Variants in ALDH3B2 observed in about 807,000 individuals in gnomAD.
ALDH3B2 encodes the protein aldehyde dehydrogenase 3 family member B2.
Under a neutral mutation model 36.7 loss-of-function variants are expected in ALDH3B2, and 45 were observed. The observed-to-expected ratio is 1.23, with a 90% CI of 0.97 to 1.57. The LOEUF is 1.57. Among genes scored for constraint, ALDH3B2 ranks in the 40% most tolerant of loss-of-function variants. The probability of loss-of-function intolerance (pLI) is 0.00; values close to 1 mark genes in which losing one functional copy is unlikely to be tolerated. For synonymous variants in ALDH3B2, 217 were observed against 226.5 expected, an observed-to-expected ratio of 0.96 and a Z score of 0.38; for missense variants, 464 against 513.3, an observed-to-expected ratio of 0.90 and a Z score of 0.93.
chr11:67,670,321 C>T (rs1856072329), intron 1 of ALDH3B2, among the ~76,000 whole-genome samples: 2 of 147,946 alleles, frequency 1.4e-5, no homozygotes, highest in East Asian at 2.0e-4. Flanking sequence ...TGTGTGTGTC[C>T]ATGTGTGTCT....
At chr11:67,664,118 G>C in intron 8 of ALDH3B2, 3 of 580,906 alleles carry the variant, frequency 5.2e-6, no homozygotes, top group Non-Finnish European at 6.1e-6. Context: ...CCTCCATTCC[G>C]GGCCTCTGCT....
chr11:67,665,574 G>T (rs144373609), exon 7 of ALDH3B2: 275 of 1,613,984 alleles, frequency 1.7e-4, no homozygotes, highest in Non-Finnish European at 2.2e-4. Flanking sequence ...CGCAGTTGTC[G>T]TCCACGTAGC....
chr11:67,666,955 A>G, exon 3 of ALDH3B2: 1 of 1,614,134 alleles, frequency 6.2e-7, no homozygotes, highest in Non-Finnish European at 8.5e-7. Context: ...CAGGTTCTTG[A>G]GAGCGTAGTC....
chr11:67,668,236 G>A (rs550420003), intron 1 of ALDH3B2, among the ~76,000 whole-genome samples: 2 of 152,192 alleles, frequency 1.3e-5, no homozygotes, highest in East Asian at 1.9e-4. Flanking sequence ...TCTGCTGGTC[G>A]TAGAAGGAAG....
chr11:67,665,772 C>G (rs80067166), intron 6 of ALDH3B2, 101 bp from the exon 7 acceptor site: 2 of 1,494,480 alleles, frequency 1.3e-6, no homozygotes, highest in Admixed American at 4.4e-5. Context: ...TTGGAGTCGG[C>G]GGGCTTCCTA....
exon 3 of ALDH3B2, chr11:67,666,968 C>T (rs1227705058): frequency 6.2e-7 from 1 of 1,613,912 alleles, no homozygotes; most frequent in East Asian, 2.2e-5. Flanking sequence ...GCGTAGTCAA[C>T]CTCGTTCTGG....
chr11:67,677,140 G>A (rs1407113642), upstream of ALDH3B2, among the ~76,000 whole-genome samples: 2 of 152,018 alleles, frequency 1.3e-5, no homozygotes. Context: ...ACCGGGAAAG[G>A]ACACAACCAA....
At chr11:67,672,122 G>A (rs1491000408) in intron 1 of ALDH3B2, among the ~76,000 whole-genome samples, 1 of 108,274 alleles carries the variant, frequency 9.2e-6, no homozygotes. Context: ...GTGTGTGTGT[G>A]TGTGTGTGTG....
intron 1 of ALDH3B2, chr11:67,671,417 G>A (rs1856108463): frequency 1.3e-5 from 2 of 152,236 alleles, no homozygotes; most frequent in African/African-American, 4.8e-5. Flanking sequence ...CCTGCTGCAG[G>A]GCAGGGGTCC....
upstream of ALDH3B2, among the ~76,000 whole-genome samples, chr11:67,679,466 A>G (rs537384320): frequency 2.6e-5 from 4 of 151,502 alleles, no homozygotes; most frequent in East Asian, 7.8e-4. Flanking sequence ...GCGAGACTCC[A>G]TCTCAAAAGA....
exon 3 of ALDH3B2, chr11:67,666,984 G>A: frequency 1.2e-6 from 2 of 1,608,286 alleles, no homozygotes. Flanking sequence ...TCTGGCAAAG[G>A]ATGAGCTCAG....
chr11:67,676,561 A>G (rs1856276666), upstream of ALDH3B2, among the ~76,000 whole-genome samples: 1 of 151,878 alleles, frequency 6.6e-6, no homozygotes, highest in Non-Finnish European at 1.5e-5. Flanking sequence ...AACGAGAACA[A>G]TCCAAACCCA....
At chr11:67,665,746 C>T (rs985660091) in intron 6 of ALDH3B2, 75 bp from the exon 7 acceptor site, 1 of 1,534,184 alleles carries the variant, frequency 6.5e-7, no homozygotes, top group Non-Finnish European at 8.8e-7. Flanking sequence ...AGAGCCTGCT[C>T]CTCCCTGGAG....
At chr11:67,669,021 G>A (rs950901984) in intron 1 of ALDH3B2, among the ~76,000 whole-genome samples, 3 of 150,620 alleles carry the variant, frequency 2.0e-5, no homozygotes, top group African/African-American at 7.3e-5. Flanking sequence ...ATGGGTGTCT[G>A]TGTCTCTTTG....
chr11:67,664,643 C>T, intron 7 of ALDH3B2, 81 bp from the exon 8 acceptor site: 2 of 1,553,666 alleles, frequency 1.3e-6, no homozygotes, highest in African/African-American at 1.4e-5. Flanking sequence ...GGGACAGGGG[C>T]ATGGGCCAGG....
chr11:67,669,075 GTCT>G (rs563651962), intron 1 of ALDH3B2, among the ~76,000 whole-genome samples: 12 of 151,450 alleles, frequency 7.9e-5, no homozygotes, highest in African/African-American at 2.4e-4. Flanking sequence ...GTGTCTGTGT[GTCT>G]TCGTGTGTCC....
chr11:67,665,428 G>A (rs1301635065), exon 7 of ALDH3B2: 2 of 1,613,982 alleles, frequency 1.2e-6, no homozygotes, highest in East Asian at 2.2e-5. Context: ...ATAGAAACGG[G>A]TGATGGTGCT....
At chr11:67,678,960 G>GT (rs1856320325), upstream of ALDH3B2, among the ~76,000 whole-genome samples, 1 of 152,098 alleles carries the variant, frequency 6.6e-6, no homozygotes, top group South Asian at 2.1e-4. Context: ...TCACTGATAT[G>GT]TGGGAGCTAA....
intron 1 of ALDH3B2, among the ~76,000 whole-genome samples, chr11:67,671,637 C>G (rs184833123): frequency 9.1e-4 from 138 of 151,082 alleles, no homozygotes; most frequent in Non-Finnish European, 1.8e-3. Flanking sequence ...ACCTCTGCCT[C>G]CCAGGTTCAA....
Sources: allele counts gnomAD v4.1 joint callset (sites outside exome capture counted in the v4.1 genomes callset), GRCh38; gene constraint gnomAD v4.1.1; transcripts MANE v1.5; gene names NCBI Gene and HGNC (gene_info 2026-07-23, HGNC 2026-07-21).